LEKR1: variants seen among roughly 807,000 people sequenced by gnomAD.
LEKR1 encodes the protein protein LEKR1.
In LEKR1, 59 loss-of-function variants were observed where a neutral mutation model predicts 72.4. The observed-to-expected ratio is 0.82, with a 90% CI of 0.66 to 1.01. The LOEUF is 1.01. LEKR1 is among the 50% of genes least tolerant of loss of function. The probability of loss-of-function intolerance (pLI) is 0.00; values close to 1 mark genes in which losing one functional copy is unlikely to be tolerated. For missense variants in LEKR1, 728 were observed against 759.2 expected, an observed-to-expected ratio of 0.96 and a Z score of 0.48; for synonymous variants, 257 against 263.2, an observed-to-expected ratio of 0.98 and a Z score of 0.23.
intron 3 of LEKR1, among the ~76,000 whole-genome samples, chr3:156,885,010 G>A (rs1719901305): frequency 6.6e-6 from 1 of 152,010 alleles, no homozygotes; most frequent in South Asian, 2.1e-4. Context: ...GTCAGATTGG[G>A]TTAATTCAAA....
chr3:157,045,462 C>T lies in LEKR1; in HGVS notation c.1791C>T (p.Phe597=). ...ELSKLRGSLP[F]SPCSLSKGSL... ...GTAAGCTTCGTGGAAGTTTACCATTCTCACCGTGTTCCCTCAGCAAGGGCA... is the reference window on the plus strand; with the variant it reads ...GTAAGCTTCGTGGAAGTTTACCATTTTCACCGTGTTCCCTCAGCAAGGGCA... The change falls in exon 13 of 13, where the codon TTC becomes TTT. Residue 597 remains phenylalanine (F), a synonymous_variant. Coordinates refer to ENST00000356539, the MANE Select transcript of LEKR1 (RefSeq NM_001004316.3). 1 of 1,614,146 alleles carries T rather than the reference C, an allele frequency of 6.2e-7. No homozygotes were observed. The highest frequency in any genetic ancestry group is 8.5e-7 in the Non-Finnish European group (1 of 1,180,012).
chr3:156,882,893 A>G (rs1240046383), intron 3 of LEKR1, among the ~76,000 whole-genome samples: 1 of 151,876 alleles, frequency 6.6e-6, no homozygotes, highest in Non-Finnish European at 1.5e-5. Flanking sequence ...TCAGTAAACT[A>G]TCGCAAGAAC....
chr3:156,897,953 C>CAAA (rs553211208), intron 3 of LEKR1, among the ~76,000 whole-genome samples: 4 of 95,004 alleles, frequency 4.2e-5, no homozygotes, highest in Non-Finnish European at 6.7e-5. Flanking sequence ...ACTCTGTCTC[C>CAAA]AAAAAAAAAA....
chr3:156,845,025 ATGT>A (rs1017030636), intron 2 of LEKR1, among the ~76,000 whole-genome samples: 6 of 150,462 alleles, frequency 4.0e-5, no homozygotes, highest in Non-Finnish European at 8.9e-5. Context: ...CCAGCATTTG[ATGT>A]TGTCAGTGAT....
At chr3:157,014,120 A>T (rs1448521704) in intron 10 of LEKR1, among the ~76,000 whole-genome samples, 1 of 152,094 alleles carries the variant, frequency 6.6e-6, no homozygotes, top group African/African-American at 2.4e-5. Context: ...CAATATTGTT[A>T]CTATTTAAAG....
At chr3:157,013,955 A>G (rs1457513920) in intron 10 of LEKR1, among the ~76,000 whole-genome samples, 1 of 152,130 alleles carries the variant, frequency 6.6e-6, no homozygotes, top group Non-Finnish European at 1.5e-5. Context: ...AAAAGCACAC[A>G]ATAAGATCAA....
intron 7 of LEKR1, chr3:156,988,065 T>G (rs1730852042): frequency 6.6e-6 from 1 of 152,616 alleles, no homozygotes; most frequent in South Asian, 2.1e-4. Flanking sequence ...AAGTCAGGAT[T>G]CAGTCCATGT....
At chr3:156,882,974 G>A (rs1413525652) in intron 3 of LEKR1, among the ~76,000 whole-genome samples, 2 of 151,864 alleles carry the variant, frequency 1.3e-5, no homozygotes, top group African/African-American at 4.8e-5. Flanking sequence ...GACACAGGAA[G>A]GGGAACATCA....
At chr3:156,867,408 T>G (rs1320199075) in intron 3 of LEKR1, among the ~76,000 whole-genome samples, 1 of 152,102 alleles carries the variant, frequency 6.6e-6, no homozygotes, top group African/African-American at 2.4e-5. Context: ...AATTTTGATA[T>G]AGATTTGAGT....
chr3:157,005,269 C>T (rs1237192737), intron 9 of LEKR1, among the ~76,000 whole-genome samples: 5 of 152,028 alleles, frequency 3.3e-5, no homozygotes, highest in Non-Finnish European at 7.4e-5. Flanking sequence ...AAATGGATAA[C>T]ATGAATAGTT....
chr3:157,000,844 G>A (rs573147914), intron 9 of LEKR1, among the ~76,000 whole-genome samples: 9 of 152,158 alleles, frequency 5.9e-5, no homozygotes, highest in Non-Finnish European at 1.2e-4. Flanking sequence ...TAATCTCCAG[G>A]TGTCAAGGGA....
chr3:156,945,119 G>A (rs114585290), intron 6 of LEKR1, among the ~76,000 whole-genome samples: 2,812 of 151,862 alleles, frequency 0.019, 79 homozygotes, highest in African/African-American at 0.063. Context: ...TTTAACTGAG[G>A]TGAGATTATA....
rs369506540 is a variant in LEKR1 at position 157,045,602 on chromosome 3, C to T, written c.1931C>T (p.Thr644Ile). Residue 644 changes from threonine (T) to isoleucine (I), a missense_variant, in exon 13 of 13, where the codon ACT becomes ATT. Coordinates refer to ENST00000356539, the MANE Select transcript of LEKR1 (RefSeq NM_001004316.3). Reference sequence around the variant, plus strand: ...CTGCGCGGGGTGTCAAAACCCACCACTTTCCCAACCTCAGATAAGCCGAAG... The same window carrying T: ...CTGCGCGGGGTGTCAAAACCCACCATTTTCCCAACCTCAGATAAGCCGAAG... ...PNLRGVSKPT[T>I]FPTSDKPKRV... The T allele has an allele frequency of 3.1e-6, 5 of 1,614,072 alleles. 1 individual carries two copies. The South Asian group carries it at 4.4e-5, about 14-fold the overall frequency.
At position 156,899,615 on chromosome 3, in the gene LEKR1, C is replaced by T. The variant is rs1176329675; in HGVS notation, c.264-20960C>T. ...ATATACATATACGTATATATACACA[C>T]ATATATACACATATATACACGCATA... On this transcript the variant is annotated intron_variant, in intron 3 of 12. Transcript: ENST00000356539. Among the ~76,000 whole-genome samples the T allele has an allele frequency of 3.3e-3, 285 of 85,440 alleles. 25 individuals are homozygous for T. The highest frequency in any genetic ancestry group is 0.014 in the African/African-American group (269 of 18,778). The allele number at this position is 85,440 out of a possible 152,430, so 56.1% of individuals were successfully genotyped here.
chr3:157,017,935 C>A (rs565310333), intron 10 of LEKR1, among the ~76,000 whole-genome samples: 2 of 110,290 alleles, frequency 1.8e-5, no homozygotes, highest in East Asian at 2.5e-4. Flanking sequence ...GGCCACAGAG[C>A]GAGACTCTGT....
In LEKR1 at chr3:157,030,713, C is replaced by T. The variant is rs906865081; in HGVS notation, c.1668+2311C>T. On this transcript the variant is annotated intron_variant, in intron 12 of 12. Transcript: ENST00000356539. Reference sequence around the variant, plus strand: ...TGTCTCTGGTTTAGAGGCTCAAGTTCTCTCATGAGGTTGGTGTCAGGGTAT... The same window carrying T: ...TGTCTCTGGTTTAGAGGCTCAAGTTTTCTCATGAGGTTGGTGTCAGGGTAT... Among the ~76,000 whole-genome samples, 7 of 152,146 alleles carry T rather than the reference C, an allele frequency of 4.6e-5. No individual in the cohort carries two copies. In the East Asian group the frequency reaches 1.3e-3, roughly 29 times the overall value.
At chr3:156,974,646 A>G (rs1729532041) in intron 6 of LEKR1, among the ~76,000 whole-genome samples, 1 of 152,048 alleles carries the variant, frequency 6.6e-6, no homozygotes. Flanking sequence ...GGGCACATAG[A>G]ACAGAGTTGA....
intron 2 of LEKR1, among the ~76,000 whole-genome samples, chr3:156,841,277 C>T (rs1358779087): frequency 6.6e-6 from 1 of 152,070 alleles, no homozygotes; most frequent in East Asian, 1.9e-4. Flanking sequence ...GAAAAGCTGG[C>T]CAAGTTAGAG....
intron 6 of LEKR1, among the ~76,000 whole-genome samples, chr3:156,954,228 C>T (rs1400388168): frequency 1.3e-5 from 2 of 151,482 alleles, no homozygotes; most frequent in East Asian, 1.9e-4. Context: ...TTTCCTTGTA[C>T]ATTTTTTTAA....
Sources: allele counts gnomAD v4.1 joint callset (sites outside exome capture counted in the v4.1 genomes callset), GRCh38; gene constraint gnomAD v4.1.1; transcripts MANE v1.5; gene names NCBI Gene and HGNC (gene_info 2026-07-23, HGNC 2026-07-21).